Variants in ADRA1B observed in about 807,000 individuals in gnomAD.
ADRA1B encodes adrenoceptor alpha 1B.
In ADRA1B, 17 loss-of-function variants were observed where a neutral mutation model predicts 17.9. That is an observed-to-expected ratio of 0.95 (90% CI 0.65 to 1.42). ADRA1B has a LOEUF of 1.42. Among genes scored for constraint, ADRA1B ranks in the 40% most tolerant of loss-of-function variants. ADRA1B has a pLI of 0.00. For missense variants in ADRA1B, 681 were observed against 722.1 expected, an observed-to-expected ratio of 0.94 and a Z score of 0.65; for synonymous variants, 366 against 327.6, an observed-to-expected ratio of 1.12 and a Z score of -1.27.
chr5:159,980,292 G>T, the ADRA1B span, among the ~76,000 whole-genome samples: 1 of 152,092 alleles, frequency 6.6e-6, no homozygotes, highest in African/African-American at 2.4e-5. Flanking sequence ...GGCTGAACAG[G>T]TACAATAATC....
At chr5:159,966,200 G>A (rs1331708006) in intron 1 of ADRA1B, among the ~76,000 whole-genome samples, 1 of 152,170 alleles carries the variant, frequency 6.6e-6, no homozygotes, top group African/African-American at 2.4e-5. Context: ...CCCCAAATAT[G>A]TTTCCTAAAA....
At chr5:159,957,129 C>T (rs1755570486) in intron 1 of ADRA1B, among the ~76,000 whole-genome samples, 1 of 152,112 alleles carries the variant, frequency 6.6e-6, no homozygotes, top group Non-Finnish European at 1.5e-5. Context: ...GCTTTGGCCT[C>T]CCAAAGTGCT....
chr5:159,960,388 T>C (rs1561608993), intron 1 of ADRA1B, among the ~76,000 whole-genome samples: 3 of 152,230 alleles, frequency 2.0e-5, no homozygotes, highest in Non-Finnish European at 4.4e-5. Context: ...GAGGAGTCAC[T>C]GGAGGATTGG....
chr5:159,896,148 A>G (rs1286677142), intron 1 of ADRA1B, among the ~76,000 whole-genome samples: 1 of 152,236 alleles, frequency 6.6e-6, no homozygotes, highest in Non-Finnish European at 1.5e-5. Flanking sequence ...TTGTTGAATC[A>G]ATAAATGACA....
At chr5:159,929,569 T>G (rs567870596) in intron 1 of ADRA1B, among the ~76,000 whole-genome samples, 2 of 152,134 alleles carry the variant, frequency 1.3e-5, no homozygotes, top group East Asian at 3.9e-4. Flanking sequence ...GATATGAGAT[T>G]TTCTATACTT....
chr5:159,969,958 C>T (rs1755840180), intron 1 of ADRA1B, among the ~76,000 whole-genome samples: 1 of 151,306 alleles, frequency 6.6e-6, no homozygotes, highest in African/African-American at 2.4e-5. Flanking sequence ...CATTTTTATT[C>T]AAATAGAATT....
At chr5:159,932,238 T>C (rs1026772576) in intron 1 of ADRA1B, among the ~76,000 whole-genome samples, 1 of 152,104 alleles carries the variant, frequency 6.6e-6, no homozygotes, top group Admixed American at 6.5e-5. Context: ...ACTGCAGTCT[T>C]GAACTCTTGG....
At chr5:159,942,183 A>G (rs1173635378) in intron 1 of ADRA1B, among the ~76,000 whole-genome samples, 1 of 151,886 alleles carries the variant, frequency 6.6e-6, no homozygotes, top group Non-Finnish European at 1.5e-5. Context: ...CGGCCTCCCA[A>G]AGTGCTGGGA....
chr5:159,930,148 G>T (rs1437292050), intron 1 of ADRA1B, among the ~76,000 whole-genome samples: 1 of 152,164 alleles, frequency 6.6e-6, no homozygotes, highest in African/African-American at 2.4e-5. Flanking sequence ...TGACATTTAG[G>T]TTATTTTTGG....
chr5:159,959,268 T>C (rs1458556952), intron 1 of ADRA1B, among the ~76,000 whole-genome samples: 1 of 152,190 alleles, frequency 6.6e-6, no homozygotes, highest in Non-Finnish European at 1.5e-5. Context: ...TGTTGGCACA[T>C]GAATGTCATT....
intron 1 of ADRA1B, among the ~76,000 whole-genome samples, chr5:159,942,611 G>C (rs1755165366): frequency 6.6e-6 from 1 of 152,208 alleles, no homozygotes; most frequent in African/African-American, 2.4e-5. Flanking sequence ...AGGAGTTCCA[G>C]AGCAGCCTGG....
intron 1 of ADRA1B, among the ~76,000 whole-genome samples, chr5:159,921,021 A>G (rs1052615285): frequency 6.6e-6 from 1 of 152,144 alleles, no homozygotes; most frequent in Non-Finnish European, 1.5e-5. Flanking sequence ...CGTGGGAGAG[A>G]AGGGTTGGGA....
intron 1 of ADRA1B, chr5:159,951,537 G>A: frequency 1.6e-6 from 1 of 615,382 alleles, no homozygotes; most frequent in Non-Finnish European, 3.0e-6. Flanking sequence ...ACGAGAAGAT[G>A]CAGCTGTCTG....
At chr5:159,884,836 G>A (rs1306533233) in intron 1 of ADRA1B, among the ~76,000 whole-genome samples, 4 of 152,186 alleles carry the variant, frequency 2.6e-5, no homozygotes, top group African/African-American at 9.6e-5. Context: ...AATAGAGAAA[G>A]GCTTCCCATA....
chr5:159,983,935 T>C, the ADRA1B span, among the ~76,000 whole-genome samples: 1 of 152,054 alleles, frequency 6.6e-6, no homozygotes, highest in Non-Finnish European at 1.5e-5. Context: ...ATGGCTTTCA[T>C]CCTTACTTCT....
chr5:159,927,202 C>T (rs1754679522), intron 1 of ADRA1B, among the ~76,000 whole-genome samples: 1 of 152,092 alleles, frequency 6.6e-6, no homozygotes, highest in African/African-American at 2.4e-5. Flanking sequence ...CCTTACATTC[C>T]CTCACCCTCT....
chr5:159,966,143 A>G (rs1755772730), intron 1 of ADRA1B, among the ~76,000 whole-genome samples: 1 of 152,228 alleles, frequency 6.6e-6, no homozygotes, highest in South Asian at 2.1e-4. Flanking sequence ...AAACAGGCAC[A>G]AAACTGGAAA....
At chr5:159,986,756 G>A in the ADRA1B span, among the ~76,000 whole-genome samples, 1 of 152,156 alleles carries the variant, frequency 6.6e-6, no homozygotes, top group Non-Finnish European at 1.5e-5. Flanking sequence ...CTCGATTTAC[G>A]ATCTATCCAC....
At chr5:159,866,816 C>T (rs1425188069) in intron 1 of ADRA1B, 1 of 152,022 alleles carries the variant, frequency 6.6e-6, no homozygotes, top group Non-Finnish European at 1.5e-5. Flanking sequence ...CAGCACTCTA[C>T]AGCATTTTAT....
Sources: allele counts gnomAD v4.1 joint callset (sites outside exome capture counted in the v4.1 genomes callset), GRCh38; gene constraint gnomAD v4.1.1; transcripts MANE v1.5; gene names NCBI Gene and HGNC (gene_info 2026-07-23, HGNC 2026-07-21).